Variants in GMDS observed in about 807,000 individuals in gnomAD.
The protein encoded by GMDS is GDP-mannose 4,6 dehydratase.
Under a neutral mutation model 49.9 loss-of-function variants are expected in GMDS, and 20 were observed. That is an observed-to-expected ratio of 0.40 (90% CI 0.28 to 0.58). The LOEUF is 0.58. Among genes scored for constraint, GMDS ranks in the 20% least tolerant of loss-of-function variants. GMDS has a pLI of 0.42. For synonymous variants in GMDS, 177 were observed against 178.6 expected (o/e 0.99, Z 0.07); for missense variants, 362 against 481.4 (o/e 0.75, Z 2.32).
intron 4 of GMDS, among the ~76,000 whole-genome samples, chr6:2,094,707 T>A (rs939368351): frequency 6.6e-6 from 1 of 152,116 alleles, no homozygotes; most frequent in African/African-American, 2.4e-5. Context: ...AAGAAGCAGA[T>A]TTGGGTTCAA....
At chr6:1,872,455 G>C (rs1451171401) in intron 7 of GMDS, among the ~76,000 whole-genome samples, 2 of 152,184 alleles carry the variant, frequency 1.3e-5, no homozygotes, top group African/African-American at 4.8e-5. Context: ...ACTCCTTTTA[G>C]CATTTTTTCC....
intron 1 of GMDS, among the ~76,000 whole-genome samples, chr6:2,190,814 C>A (rs1006490797): frequency 1.3e-5 from 2 of 152,104 alleles, no homozygotes; most frequent in African/African-American, 2.4e-5. Flanking sequence ...TGGCGGGAGG[C>A]GGCAGCAGGA....
At chr6:2,184,771 C>T (rs528912337) in intron 1 of GMDS, among the ~76,000 whole-genome samples, 5 of 152,240 alleles carry the variant, frequency 3.3e-5, no homozygotes, top group Non-Finnish European at 7.4e-5. Flanking sequence ...TCAGCATTAA[C>T]AGTCAAAAAA....
At chr6:1,732,548 G>C (rs1766851908) in intron 8 of GMDS, among the ~76,000 whole-genome samples, 1 of 152,010 alleles carries the variant, frequency 6.6e-6, no homozygotes, top group Admixed American at 6.5e-5. Flanking sequence ...GTCCCAGAAG[G>C]GCAAAATCAG....
In GMDS at chr6:1,960,913, T is replaced by C. The variant is rs1369872281; in HGVS notation, c.399A>G (p.Leu133=). Residue 133 remains leucine, a synonymous_variant, in exon 5 of 11, where the codon CTA becomes CTG. Coordinates refer to ENST00000380815, the MANE Select transcript of GMDS (RefSeq NM_001500.4). ...AAGTCTTAACTGCATCTAGAAGTCG[T>C]AGAGTGCCAACTCCGTCAACGTCCG... ...YTADVDGVGT[L]RLLDAVKTCG... is the part of the protein sequence containing the mutation. 8 of 1,604,582 alleles carry C rather than the reference T, an allele frequency of 5.0e-6. No individual in the cohort carries two copies. The highest frequency in any genetic ancestry group is 2.2e-5 in the East Asian group (1 of 44,766).
chr6:2,129,359 A>C (rs1290708257), intron 1 of GMDS, among the ~76,000 whole-genome samples: 1 of 152,168 alleles, frequency 6.6e-6, no homozygotes, highest in Non-Finnish European at 1.5e-5. Context: ...CTTCCAATAC[A>C]GATGAATAAG....
intron 7 of GMDS, among the ~76,000 whole-genome samples, chr6:1,909,485 G>A (rs960820901): frequency 3.3e-5 from 5 of 152,190 alleles, no homozygotes; most frequent in Non-Finnish European, 5.9e-5. Flanking sequence ...GATTCTCCGG[G>A]TTGCAACAGG....
intron 4 of GMDS, among the ~76,000 whole-genome samples, chr6:2,058,588 G>A: frequency 6.6e-6 from 1 of 152,162 alleles, no homozygotes; most frequent in Admixed American, 6.5e-5. Flanking sequence ...AGATGTTCAA[G>A]AATCTCTCCA....
In GMDS at chr6:1,712,738, G is replaced by T. The variant is rs148598722; in HGVS notation, c.987+13678C>A. Among the ~76,000 whole-genome samples, 998 of 151,708 alleles carry T rather than the reference G, an allele frequency of 6.6e-3. 14 individuals carry two copies. The highest frequency in any genetic ancestry group is 0.023 in the African/African-American group (957 of 41,324). ...TGTCTGAAAAAGTTATAAAGATGGA[G>T]AAAGGGAAAAAGCAAAAGGGTTGAA... On this transcript the variant is annotated intron_variant, in intron 9 of 10. Transcript: ENST00000380815.
At chr6:2,065,605 C>A (rs530416751) in intron 4 of GMDS, among the ~76,000 whole-genome samples, 4 of 152,074 alleles carry the variant, frequency 2.6e-5, no homozygotes, top group African/African-American at 9.6e-5. Flanking sequence ...AACCAAGGCT[C>A]GAGAACTACG....
At chr6:1,740,753 T>C (rs1767237815) in intron 8 of GMDS, among the ~76,000 whole-genome samples, 1 of 151,962 alleles carries the variant, frequency 6.6e-6, no homozygotes, top group Non-Finnish European at 1.5e-5. Flanking sequence ...AGAATCAACA[T>C]AACCAAATTA....
intron 2 of GMDS, 124 bp from the exon 3 acceptor site, chr6:2,117,680 C>T: frequency 1.6e-6 from 1 of 641,586 alleles, no homozygotes; most frequent in South Asian, 1.8e-5. Context: ...TAGAAATAGT[C>T]CCACTGCTTA....
At chr6:1,747,943 G>GA (rs1025824241) in intron 7 of GMDS, among the ~76,000 whole-genome samples, 23 of 150,232 alleles carry the variant, frequency 1.5e-4, no homozygotes, top group East Asian at 5.8e-4. Flanking sequence ...TTACTGAACA[G>GA]AAAAAAAAAG....
intron 6 of GMDS, among the ~76,000 whole-genome samples, chr6:1,945,566 C>G (rs952096844): frequency 6.6e-6 from 1 of 152,062 alleles, no homozygotes; most frequent in African/African-American, 2.4e-5. Flanking sequence ...TATGCACATA[C>G]GGTTACAGAG....
At chr6:2,035,228 T>C (rs1313282096) in intron 4 of GMDS, among the ~76,000 whole-genome samples, 2 of 152,158 alleles carry the variant, frequency 1.3e-5, no homozygotes, top group African/African-American at 4.8e-5. Flanking sequence ...TGAAAGGTGT[T>C]AATCATTAAC....
intron 1 of GMDS, among the ~76,000 whole-genome samples, chr6:2,228,682 T>C (rs1383670476): frequency 6.6e-6 from 1 of 152,242 alleles, no homozygotes; most frequent in East Asian, 1.9e-4. Flanking sequence ...AACACAAATT[T>C]AGTTCCTGCG....
intron 4 of GMDS, among the ~76,000 whole-genome samples, chr6:2,115,498 G>A (rs1774796298): frequency 6.6e-6 from 1 of 152,068 alleles, no homozygotes; most frequent in Admixed American, 6.5e-5. Flanking sequence ...ACACATCCAT[G>A]GGCCTCATGG....
intron 4 of GMDS, among the ~76,000 whole-genome samples, chr6:2,109,642 G>A (rs1405851753): frequency 6.6e-6 from 1 of 152,222 alleles, no homozygotes; most frequent in Non-Finnish European, 1.5e-5. Context: ...GTGTGTCCCA[G>A]GAACCGTGAT....
chr6:1,637,169 G>A (rs1290328490), intron 9 of GMDS, among the ~76,000 whole-genome samples: 2 of 152,240 alleles, frequency 1.3e-5, no homozygotes, highest in Non-Finnish European at 1.5e-5. Context: ...CAAGCCAGGT[G>A]TCTGGGGGAG....
Sources: gnomAD v4.1 joint callset for allele counts (sites outside exome capture counted in the v4.1 genomes callset) on GRCh38, gnomAD v4.1.1 for gene constraint, MANE v1.5 for transcripts, NCBI Gene and HGNC (gene_info 2026-07-23, HGNC 2026-07-21) for gene names.